The following MTFR1 variants were observed in gnomAD, a reference collection of about 807,000 sequenced individuals.
The protein encoded by MTFR1 is mitochondrial fission regulator 1.
MTFR1 carries 28 observed loss-of-function variants against 38.8 expected under a neutral mutation model. The observed-to-expected ratio is 0.72, with a 90% CI of 0.53 to 0.99. MTFR1 has a LOEUF of 0.99. MTFR1 is among the 50% of genes least tolerant of loss of function. The probability of loss-of-function intolerance (pLI) is 0.00; values close to 1 mark genes in which losing one functional copy is unlikely to be tolerated. For synonymous variants in MTFR1, 145 were observed against 137.0 expected (o/e 1.06, Z -0.41); for missense variants, 358 against 395.5 (o/e 0.91, Z 0.81).
chr8:65,735,065 A>G (rs1451795847), intron 3 of MTFR1, among the ~76,000 whole-genome samples: 3 of 152,172 alleles, frequency 2.0e-5, no homozygotes, highest in Non-Finnish European at 4.4e-5. Context: ...ATACCAAAAG[A>G]ATCAATATCA....
chr8:65,685,150 T>C (rs1805034545), intron 3 of MTFR1, among the ~76,000 whole-genome samples: 1 of 152,192 alleles, frequency 6.6e-6, no homozygotes, highest in African/African-American at 2.4e-5. Flanking sequence ...AGTAAGAAAA[T>C]TGAAAATGCA....
chr8:65,681,794 G>A (rs1450239997), intron 2 of MTFR1, among the ~76,000 whole-genome samples: 3 of 151,662 alleles, frequency 2.0e-5, no homozygotes, highest in Admixed American at 6.6e-5. Flanking sequence ...TTCCTTTGGG[G>A]AGCAGGCCTC....
At chr8:65,682,107 G>T (rs1416627129) in intron 2 of MTFR1, 1 of 198,060 alleles carries the variant, frequency 5.0e-6, no homozygotes. Context: ...AAAATTACTG[G>T]CTAGTTTATA....
At chr8:65,681,637 C>T (rs965658537) in intron 2 of MTFR1, among the ~76,000 whole-genome samples, 2 of 149,472 alleles carry the variant, frequency 1.3e-5, no homozygotes, top group South Asian at 2.1e-4. Context: ...AATGATTTAC[C>T]TAACATTCAA....
downstream of MTFR1, among the ~76,000 whole-genome samples, chr8:65,776,260 A>C (rs1809256040): frequency 6.6e-6 from 1 of 152,184 alleles, no homozygotes; most frequent in African/African-American, 2.4e-5. Context: ...TCACAAATCA[A>C]ATATCCATAT....
At chr8:65,710,928 A>G (rs990642241), downstream of MTFR1, among the ~76,000 whole-genome samples, 1 of 152,068 alleles carries the variant, frequency 6.6e-6, no homozygotes, top group African/African-American at 2.4e-5. Context: ...ATGAGAAAGA[A>G]AGGTAACTAA....
intron 4 of MTFR1, among the ~76,000 whole-genome samples, chr8:65,696,623 A>C (rs1230654442): frequency 3.3e-5 from 5 of 152,184 alleles, no homozygotes; most frequent in African/African-American, 1.2e-4. Flanking sequence ...TTTATCATTT[A>C]AAGAATGTTA....
intron 3 of MTFR1, among the ~76,000 whole-genome samples, chr8:65,736,689 G>A (rs1387107636): frequency 1.3e-5 from 2 of 151,826 alleles, no homozygotes; most frequent in Non-Finnish European, 2.9e-5. Context: ...GGTTGAGGGT[G>A]CAGTGAGCCA....
At chr8:65,660,375 T>C (rs67669255) in intron 1 of MTFR1, among the ~76,000 whole-genome samples, 28,926 of 151,262 alleles carry the variant, frequency 0.19, 2,927 homozygotes, top group Middle Eastern at 0.23. Flanking sequence ...TGAGGGATGC[T>C]CAGATAGCTG....
chr8:65,663,529 T>A (rs1348434684), intron 1 of MTFR1, among the ~76,000 whole-genome samples: 34 of 123,290 alleles, frequency 2.8e-4, no homozygotes, highest in African/African-American at 4.8e-4. Flanking sequence ...ATGATCAATT[T>A]AAAAAAAAAA....
intron 2 of MTFR1, among the ~76,000 whole-genome samples, chr8:65,677,671 C>G (rs927436222): frequency 6.6e-6 from 1 of 151,628 alleles, no homozygotes; most frequent in Non-Finnish European, 1.5e-5. Context: ...TGAGCCACCA[C>G]GCCCAGCCAG....
At chr8:65,650,568 G>C (rs1809095544) in intron 1 of MTFR1, among the ~76,000 whole-genome samples, 1 of 152,058 alleles carries the variant, frequency 6.6e-6, no homozygotes, top group Admixed American at 6.6e-5. Context: ...TTTCTGCCTG[G>C]CTTATTTCGC....
intron 2 of MTFR1, 182 bp from the exon 3 acceptor site, chr8:65,682,171 C>G (rs1804914632): frequency 7.2e-6 from 2 of 276,300 alleles, no homozygotes; most frequent in African/African-American, 4.6e-5. Flanking sequence ...ATCTATCTCT[C>G]TATCTATCTA....
chr8:65,650,066 C>G (rs182414423), intron 1 of MTFR1, among the ~76,000 whole-genome samples: 1 of 151,680 alleles, frequency 6.6e-6, no homozygotes, highest in South Asian at 2.1e-4. Context: ...CTCGAACTCC[C>G]GACCTCAGGT....
downstream of MTFR1, among the ~76,000 whole-genome samples, chr8:65,773,145 A>G (rs542593593): frequency 5.3e-5 from 8 of 152,348 alleles, no homozygotes; most frequent in African/African-American, 1.9e-4. Context: ...TCATAGCAGG[A>G]GCACGTGCTC....
At chr8:65,752,643 G>T (rs2128909201) in intron 3 of MTFR1, among the ~76,000 whole-genome samples, 1 of 152,144 alleles carries the variant, frequency 6.6e-6, no homozygotes, top group South Asian at 2.1e-4. Flanking sequence ...ACCATTCTGG[G>T]TCATTTTTGC....
downstream of MTFR1, among the ~76,000 whole-genome samples, chr8:65,711,445 A>AGAC (rs1488981176): frequency 6.6e-6 from 1 of 152,242 alleles, no homozygotes; most frequent in African/African-American, 2.4e-5. Flanking sequence ...AGAATCTGGC[A>AGAC]GACAGAAGTT....
At chr8:65,650,437 G>T (rs1035801458) in intron 1 of MTFR1, among the ~76,000 whole-genome samples, 3 of 152,106 alleles carry the variant, frequency 2.0e-5, no homozygotes, top group Non-Finnish European at 4.4e-5. Context: ...CTCCCAAAGT[G>T]CTGGGATTAC....
downstream of MTFR1, among the ~76,000 whole-genome samples, chr8:65,711,341 T>G (rs1235633578): frequency 6.6e-6 from 1 of 152,152 alleles, no homozygotes; most frequent in Non-Finnish European, 1.5e-5. Context: ...TGAAGAGGAA[T>G]ACACGTGGTA....
Sources: allele counts gnomAD v4.1 joint callset (sites outside exome capture counted in the v4.1 genomes callset), GRCh38; gene constraint gnomAD v4.1.1; transcripts MANE v1.5; gene names NCBI Gene and HGNC (gene_info 2026-07-23, HGNC 2026-07-21).